Variants in SHISA9 observed in about 807,000 individuals in gnomAD.
The protein encoded by SHISA9 is protein shisa-9.
In SHISA9, 13 loss-of-function variants were observed where a neutral mutation model predicts 38.0. The observed-to-expected ratio is 0.34, with a 90% CI of 0.22 to 0.54. The LOEUF (loss-of-function observed/expected upper bound fraction) is 0.54. SHISA9 is among the 20% of genes least tolerant of loss of function. The pLI, the probability that SHISA9 is intolerant of heterozygous loss-of-function variation, is 0.91. For missense variants in SHISA9, 538 were observed against 575.8 expected, an observed-to-expected ratio of 0.93 and a Z score of 0.67; for synonymous variants, 275 against 242.0, an observed-to-expected ratio of 1.14 and a Z score of -1.27.
At chr16:13,544,474 T>G in the SHISA9 span, among the ~76,000 whole-genome samples, 2 of 146,834 alleles carry the variant, frequency 1.4e-5, no homozygotes, top group Non-Finnish European at 3.0e-5. Context: ...ATTTCCACTT[T>G]GCACGGACAT....
intron 2 of SHISA9, among the ~76,000 whole-genome samples, chr16:13,049,715 C>A (rs75899631): frequency 6.6e-6 from 1 of 152,138 alleles, no homozygotes; most frequent in Non-Finnish European, 1.5e-5. Context: ...CTCATTTCCT[C>A]CTGCTGCTTC....
the SHISA9 span, among the ~76,000 whole-genome samples, chr16:13,415,978 G>C: frequency 1.3e-5 from 2 of 152,182 alleles, 1 homozygote; most frequent in Admixed American, 1.3e-4. Flanking sequence ...GGGAAGTAGT[G>C]ACTAGAACAG....
At chr16:13,292,972 G>A in the SHISA9 span, among the ~76,000 whole-genome samples, 1 of 152,134 alleles carries the variant, frequency 6.6e-6, no homozygotes, top group Admixed American at 6.5e-5. Flanking sequence ...GCAGATGGCT[G>A]CTCTCCATCA....
In SHISA9 at chr16:13,219,943, G is replaced by A. The variant is rs550236242; in HGVS notation, c.895+6643G>A. On this transcript the variant is annotated intron_variant, in intron 4 of 4. Transcript: ENST00000558583. ...ACTGCACTCCAGCCTGGGTGACAGA[G>A]TGAGACTCCATCTCAGAAAAAGAAA... 1.6e-4 allele frequency among the ~76,000 whole-genome samples: 24 copies of A among 152,216 alleles called. No homozygotes were observed. In the South Asian group the frequency reaches 5.0e-3, roughly 32 times the overall value.
the SHISA9 span, among the ~76,000 whole-genome samples, chr16:13,365,361 C>G: frequency 1.3e-5 from 2 of 151,854 alleles, no homozygotes; most frequent in African/African-American, 4.8e-5. Flanking sequence ...GTAGCATGCT[C>G]TAACATTTAT....
intron 2 of SHISA9, among the ~76,000 whole-genome samples, chr16:13,127,290 TGGAG>T (rs1236607681): frequency 6.4e-4 from 28 of 43,670 alleles, no homozygotes; most frequent in South Asian, 2.7e-3. Flanking sequence ...GAGAAAGAGA[TGGAG>T]GGAGAGAGAG....
chr16:12,961,136 T>G (rs2071906480), intron 2 of SHISA9, among the ~76,000 whole-genome samples: 1 of 151,526 alleles, frequency 6.6e-6, no homozygotes, highest in Admixed American at 6.6e-5. Context: ...GGAGGATGAG[T>G]GGGAATGACC....
At chr16:13,467,447 G>T in the SHISA9 span, among the ~76,000 whole-genome samples, 1 of 152,184 alleles carries the variant, frequency 6.6e-6, no homozygotes, top group Non-Finnish European at 1.5e-5. Context: ...GACTCAGACT[G>T]GGGACTGTAC....
chr16:12,929,917 T>C (rs2071441745), intron 2 of SHISA9, among the ~76,000 whole-genome samples: 1 of 152,214 alleles, frequency 6.6e-6, no homozygotes, highest in Admixed American at 6.5e-5. Context: ...CAATGCTGGC[T>C]CCTTCTCATT....
At chr16:13,206,300 T>G (rs529405264) in intron 3 of SHISA9, among the ~76,000 whole-genome samples, 1 of 152,316 alleles carries the variant, frequency 6.6e-6, no homozygotes, top group African/African-American at 2.4e-5. Context: ...AACCATATAC[T>G]TTCTTTTATT....
chr16:13,008,670 C>T (rs1308108855), intron 2 of SHISA9, among the ~76,000 whole-genome samples: 21 of 125,082 alleles, frequency 1.7e-4, no homozygotes, highest in African/African-American at 7.4e-4. Context: ...TCCCTTCCTC[C>T]CTCCCTCCCT....
At chr16:13,534,665 C>A in the SHISA9 span, among the ~76,000 whole-genome samples, 8 of 152,202 alleles carry the variant, frequency 5.3e-5, no homozygotes, top group Non-Finnish European at 8.8e-5. Context: ...AACACTGTGT[C>A]CCTGACTTTA....
chr16:13,087,280 A>T (rs1004725190), intron 2 of SHISA9, among the ~76,000 whole-genome samples: 5 of 151,598 alleles, frequency 3.3e-5, no homozygotes, highest in African/African-American at 9.7e-5. Flanking sequence ...TAGTGCCGCA[A>T]TAAACATACG....
chr16:13,286,473 T>A, the SHISA9 span, among the ~76,000 whole-genome samples: 1 of 152,112 alleles, frequency 6.6e-6, no homozygotes, highest in African/African-American at 2.4e-5. Flanking sequence ...AAAATTACAG[T>A]CAAGAGCCCG....
intron 3 of SHISA9, among the ~76,000 whole-genome samples, chr16:13,205,342 G>C (rs2051053951): frequency 1.3e-5 from 2 of 152,142 alleles, no homozygotes; most frequent in Admixed American, 1.3e-4. Context: ...AATACATGGG[G>C]GAAATTCCTT....
chr16:13,470,090 C>T, the SHISA9 span, among the ~76,000 whole-genome samples: 48 of 152,112 alleles, frequency 3.2e-4, no homozygotes, highest in African/African-American at 1.0e-3. Context: ...CCCCTATTTA[C>T]TCTTCTACAC....
intron 2 of SHISA9, among the ~76,000 whole-genome samples, chr16:13,087,515 A>G (rs931784510): frequency 6.6e-6 from 1 of 152,148 alleles, no homozygotes; most frequent in African/African-American, 2.4e-5. Flanking sequence ...AATGATCGCC[A>G]TTCTAAATGG....
chr16:13,322,612 A>C, the SHISA9 span, among the ~76,000 whole-genome samples: 1 of 152,124 alleles, frequency 6.6e-6, no homozygotes. Flanking sequence ...GGCTAAAACA[A>C]AGCACCTCAG....
chr16:13,414,267 A>G, the SHISA9 span, among the ~76,000 whole-genome samples: 2 of 152,204 alleles, frequency 1.3e-5, no homozygotes, highest in Non-Finnish European at 2.9e-5. Flanking sequence ...CTTGTATTGA[A>G]AAGTCCTGTT....
Sources: gnomAD v4.1 joint callset for allele counts (sites outside exome capture counted in the v4.1 genomes callset) on GRCh38, gnomAD v4.1.1 for gene constraint, MANE v1.5 for transcripts, NCBI Gene and HGNC (gene_info 2026-07-23, HGNC 2026-07-21) for gene names.